The following LTBR variants were observed in gnomAD, a reference collection of about 807,000 sequenced individuals.
The protein encoded by LTBR is tumor necrosis factor receptor superfamily member 3.
LTBR carries 15 observed loss-of-function variants against 45.4 expected under a neutral mutation model. The ratio of observed to expected loss-of-function variants is 0.33; its 90% CI spans 0.22 to 0.51. LTBR has a LOEUF of 0.51. Ranked by LOEUF, LTBR falls within the 20% of genes least tolerant of loss-of-function variation. The pLI is 0.97. For synonymous variants in LTBR, 228 were observed against 231.0 expected, an observed-to-expected ratio of 0.99 and a Z score of 0.12; for missense variants, 450 against 565.5, an observed-to-expected ratio of 0.80 and a Z score of 2.07.
intron 1 of LTBR, among the ~76,000 whole-genome samples, chr12:6,376,535 G>A (rs1229935494): frequency 6.6e-6 from 1 of 152,208 alleles, no homozygotes; most frequent in Non-Finnish European, 1.5e-5. Context: ...GAAGAGGGTG[G>A]GCATGGCACA....
rs376201696 is a variant in LTBR, at chr12:6,390,916, C to G, written c.1287C>G (p.Asn429Lys). Reference sequence around the variant, plus strand: ...CACCCTCTAACAGGGGCCCAAGGAACCAATTTATCACCCATGACTGACTGA... The same window carrying G: ...CACCCTCTAACAGGGGCCCAAGGAAGCAATTTATCACCCATGACTGACTGA... Reference protein sequence around the residue: ...GATPSNRGPRNQFITHD With the variant: ...GATPSNRGPRKQFITHD Residue 429 changes from asparagine to lysine, a missense_variant, in exon 10 of 10, where the codon AAC becomes AAG. Coordinates refer to ENST00000228918, the MANE Select transcript of LTBR (RefSeq NM_002342.3). The G allele has an allele frequency of 6.3e-7, 1 of 1,580,276 alleles. No individual in the cohort carries two copies. The highest frequency in any genetic ancestry group is 1.2e-5 in the South Asian group (1 of 84,394).
intron 6 of LTBR, chr12:6,387,338 C>T (rs769184814): frequency 1.3e-5 from 2 of 152,178 alleles, no homozygotes; most frequent in African/African-American, 2.4e-5. Flanking sequence ...TTTAATATTT[C>T]GTAACCTGAT....
rs1231962459 is a variant in LTBR at position 6,390,117 on chromosome 12, G to A, written c.807G>A (p.Glu269=). Residue 269 remains glutamate (E), a synonymous_variant, in exon 9 of 10, where the codon GAG becomes GAA. Coordinates refer to ENST00000228918, the MANE Select transcript of LTBR (RefSeq NM_002342.3). ...GSLLKRRPQG[E]GPNPVAGSWE... ...TCTCCATCTCTTTCCTGCAGGGAGA[G>A]GGACCCAATCCTGTAGCTGGAAGCT... 4 of 1,613,254 alleles carry A rather than the reference G, an allele frequency of 2.5e-6. No individual in the cohort carries two copies. In the South Asian group the frequency reaches 3.3e-5, roughly 13 times the overall value.
At chr12:6,375,320 T>C, upstream of LTBR, 1 of 1,439,258 alleles carries the variant, frequency 6.9e-7, no homozygotes, top group Non-Finnish European at 9.1e-7. Context: ...CCCCTCTCAC[T>C]CTAGGCCCTC....
At position 6,386,421 on chromosome 12, in the gene LTBR, A is replaced by G. The variant is rs368496847; in HGVS notation, c.644A>G (p.Glu215Gly). The G allele has an allele frequency of 6.8e-6, 11 of 1,609,658 alleles. No homozygotes were observed. The highest frequency in any genetic ancestry group is 1.3e-5 in the African/African-American group (1 of 74,666). The change falls in exon 6 of 10, where the codon GAG (glutamate) becomes GGG (glycine). Residue 215 changes from glutamate (E) to glycine (G), a missense_variant. By Grantham distance (98) the Glu-to-Gly change is moderately conservative (BLOSUM62 -2). This residue lies in a region of LTBR where 367 missense variants were observed against 435.4 expected (regional missense o/e 0.84). Transcript: ENST00000228918. The surrounding 1 kb of genome is among the most constrained non-coding windows in gnomAD (Gnocchi z 4.1). ...QSDTTCKNPL[E>G]PLPPEMSGTM... is the part of the protein sequence containing the mutation. ...GACACAACCTGCAAAAATCCATTAG[A>G]GCCACTGCCCCCAGAGATGTCAGGT...
At chr12:6,382,508 C>G (rs1446465781), upstream of LTBR, among the ~76,000 whole-genome samples, 1 of 152,222 alleles carries the variant, frequency 6.6e-6, no homozygotes, top group African/African-American at 2.4e-5. Context: ...AGCAGGGACT[C>G]TCATCCCAGC....
chr12:6,390,748 G>A lies in LTBR; in HGVS notation c.1119G>A (p.Pro373=), dbSNP rs767602751. Residue 373 remains proline (P), a synonymous_variant, in exon 10 of 10, where the codon CCG becomes CCA. Transcript: ENST00000228918. Reference sequence around the variant, plus strand: ...ATGGACCAGTACTGGGGGGACCACCGGGTCCTGGAGACCTCCCAGCTACCC... The same window carrying A: ...ATGGACCAGTACTGGGGGGACCACCAGGTCCTGGAGACCTCCCAGCTACCC... ...IYNGPVLGGP[P]GPGDLPATPE... The A allele has an allele frequency of 1.2e-5, 19 of 1,562,108 alleles. 1 individual carries two copies. The highest frequency in any genetic ancestry group is 2.7e-5 in the African/African-American group (2 of 73,142).
upstream of LTBR, chr12:6,375,362 T>A: frequency 1.4e-6 from 2 of 1,456,100 alleles, no homozygotes; most frequent in Non-Finnish European, 1.8e-6. Context: ...CCTCGAGCTG[T>A]GTCCTGATTC....
Position 6,388,333 on chromosome 12 carries a change from C to G in LTBR, c.668-65C>G. 94 of 1,168,186 alleles carry G rather than the reference C, an allele frequency of 8.0e-5. No homozygotes were observed. Among genetic ancestry groups the G allele is most frequent in the Middle Eastern group, 1.9e-4 (1 of 5,156 alleles). The allele number at this position is 1,168,186 out of a possible 1,614,324, so 72.4% of individuals were successfully genotyped here. ...TTGCCCAGGGATCTGGAAAGCTCTT[C>G]CTTCTCCTCCTCCCCTCTGCCCTTC... On this transcript the variant is annotated intron_variant, in intron 6 of 9. Coordinates refer to ENST00000228918, the MANE Select transcript of LTBR (RefSeq NM_002342.3). This position sits in a 1 kb window ranked among gnomAD's most constrained non-coding sequence, Gnocchi z 4.3.
Position 6,386,688 on chromosome 12 carries a change from G to T in LTBR, c.667+244G>T. On this transcript the variant is annotated intron_variant, in intron 6 of 9. Coordinates refer to ENST00000228918, the MANE Select transcript of LTBR (RefSeq NM_002342.3). This position sits in a 1 kb window ranked among gnomAD's most constrained non-coding sequence, Gnocchi z 4.1. Reference sequence around the variant, plus strand: ...TATGTCAAGGAACACATCCCACACTGAGATGTAATGATAACTACTATTGTC... The same window carrying T: ...TATGTCAAGGAACACATCCCACACTTAGATGTAATGATAACTACTATTGTC... 2.1e-6 allele frequency: 1 copy of T among 474,252 alleles called. No individual in the cohort carries two copies. Among genetic ancestry groups the T allele is most frequent in the East Asian group, 3.5e-5 (1 of 28,590 alleles). The allele number at this position is 474,252 out of a possible 1,614,324, so 29.4% of individuals were successfully genotyped here. A position where few individuals can be genotyped will look rare whatever the true frequency, so the allele number is the denominator to read the frequency against.
chr12:6,375,871 G>A (rs1364189452), intron 1 of LTBR: 1 of 1,296,480 alleles, frequency 7.7e-7, no homozygotes, highest in Non-Finnish European at 9.8e-7. Flanking sequence ...GGGGAACCGG[G>A]AGGACAGGAG....
upstream of LTBR, among the ~76,000 whole-genome samples, chr12:6,380,160 T>C (rs1234388365): frequency 6.6e-6 from 1 of 152,090 alleles, no homozygotes; most frequent in Non-Finnish European, 1.5e-5. Flanking sequence ...TCCTGAGTCA[T>C]TGTGACCAAA....
Position 6,388,317 on chromosome 12 carries a change from G to T in LTBR, c.668-81G>T. 1.9e-6 allele frequency: 2 copies of T among 1,059,380 alleles called. No individual in the cohort carries two copies. The highest frequency in any genetic ancestry group is 1.3e-5 in the South Asian group (1 of 78,718). The allele number at this position is 1,059,380 out of a possible 1,614,324, so 65.6% of individuals were successfully genotyped here. A position where few individuals can be genotyped will look rare whatever the true frequency, so the allele number is the denominator to read the frequency against. ...CTTTTCTCTGTCTGGGTTGCCCAGG[G>T]ATCTGGAAAGCTCTTCCTTCTCCTC... On this transcript the variant is annotated intron_variant, in intron 6 of 9. Transcript: ENST00000228918. The surrounding 1 kb of genome is among the most constrained non-coding windows in gnomAD (Gnocchi z 4.3).
At chr12:6,390,081 C>A in intron 8 of LTBR, 31 bp from the exon 9 acceptor site, 2 of 1,478,234 alleles carry the variant, frequency 1.4e-6, no homozygotes, top group South Asian at 1.1e-5. Context: ...GGGCCCTCAT[C>A]ATTGTTTGGG....
chr12:6,390,615 A>G, intron 9 of LTBR, 45 bp from the exon 10 acceptor site: 1 of 1,496,730 alleles, frequency 6.7e-7, no homozygotes, highest in South Asian at 1.4e-5. Context: ...AGCGGGCCTG[A>G]ACTGGGGGCC....
chr12:6,389,989 G>C, intron 8 of LTBR, 123 bp from the exon 9 acceptor site: 1 of 710,344 alleles, frequency 1.4e-6, no homozygotes, highest in African/African-American at 1.8e-5. Context: ...GAAAGAGAGA[G>C]AGAGAGAGAA....
At chr12:6,389,564 G>A (rs1455453168) in intron 8 of LTBR, 2 of 155,452 alleles carry the variant, frequency 1.3e-5, no homozygotes, top group African/African-American at 2.4e-5. Flanking sequence ...TACTTTGGGA[G>A]GCCAAGGCGG....
At chr12:6,383,145 G>A (rs1389037488), upstream of LTBR, among the ~76,000 whole-genome samples, 1 of 152,210 alleles carries the variant, frequency 6.6e-6, no homozygotes, top group East Asian at 1.9e-4. Flanking sequence ...CACGGGGACT[G>A]TGCAACCTAG....
rs967235014 is a variant in LTBR, at chr12:6,386,046, G to A, written c.473-20G>A. ...CCCTTTTGCCCATTCACCCTGGCTG[G>A]CCTGCCTTTCTCTTGCCAGATGAAG... On this transcript the variant is annotated intron_variant, in intron 4 of 9. Transcript: ENST00000228918. This position sits in a 1 kb window ranked among gnomAD's most constrained non-coding sequence, Gnocchi z 4.1. 2.5e-6 allele frequency: 4 copies of A among 1,589,162 alleles called. No individual in the cohort carries two copies. The highest frequency in any genetic ancestry group is 3.5e-6 in the Non-Finnish European group (4 of 1,157,584).
Sources: allele counts gnomAD v4.1 joint callset (sites outside exome capture counted in the v4.1 genomes callset), GRCh38; gene constraint gnomAD v4.1.1; regional missense constraint gnomAD v4.1.1; non-coding constraint Gnocchi (gnomAD v3.1); transcripts MANE v1.5; gene names NCBI Gene and HGNC (gene_info 2026-07-23, HGNC 2026-07-21).